Variants in CCNY observed in about 807,000 individuals in gnomAD.
CCNY encodes cyclin Y, also known as cyclin-Y.
A neutral mutation model predicts 42.8 loss-of-function variants in CCNY; 19 were observed. That is an observed-to-expected ratio of 0.44 (90% CI 0.31 to 0.65). The LOEUF is 0.65. Among genes scored for constraint, CCNY ranks in the 30% least tolerant of loss-of-function variants. CCNY has a pLI of 0.07. For synonymous variants in CCNY, 165 were observed against 162.7 expected (o/e 1.01, Z -0.11); for missense variants, 370 against 437.3 (o/e 0.85, Z 1.37).
At chr10:35,482,114 A>G (rs1839682612) in intron 1 of CCNY, among the ~76,000 whole-genome samples, 1 of 152,246 alleles carries the variant, frequency 6.6e-6, no homozygotes, top group South Asian at 2.1e-4. Context: ...GATGTAGGAA[A>G]AAAATCACCA....
chr10:35,485,711 C>G (rs1839770582), intron 2 of CCNY, among the ~76,000 whole-genome samples: 1 of 123,158 alleles, frequency 8.1e-6, no homozygotes, highest in Admixed American at 1.1e-4. Context: ...GGCGACAGAG[C>G]GAGACTCCGT....
At chr10:35,320,046 G>A (rs1269675214) in intron 3 of CCNY, among the ~76,000 whole-genome samples, 1 of 152,160 alleles carries the variant, frequency 6.6e-6, no homozygotes, top group Non-Finnish European at 1.5e-5. Flanking sequence ...GGTGGCTTCA[G>A]CAGTAAATTC....
At chr10:35,266,240 G>A (rs1463096626) in intron 3 of CCNY, among the ~76,000 whole-genome samples, 3 of 147,736 alleles carry the variant, frequency 2.0e-5, no homozygotes, top group Non-Finnish European at 4.5e-5. Context: ...ACCATGCCCG[G>A]CTAATTTCCT....
chr10:35,403,008 T>A (rs1278870218), intron 1 of CCNY, among the ~76,000 whole-genome samples: 2 of 151,326 alleles, frequency 1.3e-5, no homozygotes, highest in Non-Finnish European at 2.9e-5. Context: ...ACCCATCTAG[T>A]GAAAGTGTCT....
At chr10:35,346,825 C>T (rs1456724643) in intron 1 of CCNY, among the ~76,000 whole-genome samples, 1 of 152,186 alleles carries the variant, frequency 6.6e-6, no homozygotes, top group Non-Finnish European at 1.5e-5. Context: ...CAGGGTTACG[C>T]CTTGTTGCCC....
At chr10:35,391,273 A>G (rs1475704447) in intron 1 of CCNY, among the ~76,000 whole-genome samples, 1 of 152,158 alleles carries the variant, frequency 6.6e-6, no homozygotes, top group Middle Eastern at 3.2e-3. Flanking sequence ...CGCACAGTTT[A>G]AGCCAATTCT....
chr10:35,273,411 G>A (rs1312319609), intron 3 of CCNY, among the ~76,000 whole-genome samples: 1 of 151,844 alleles, frequency 6.6e-6, no homozygotes, highest in Non-Finnish European at 1.5e-5. Context: ...CATCATGCTG[G>A]CCAGGCTGGT....
chr10:35,530,160 C>A lies in CCNY; in HGVS notation c.496C>A (p.Pro166Thr). ...EVPPDYDKHN[P>T]EQKQIYRFVR... is the part of the protein sequence containing the mutation. ...GCCACCAGATTATGACAAACACAAC[C>A]CAGAGCAGAAGCAGATTTACCGGTT... The change falls in exon 7 of 10, where the codon CCA becomes ACA. Residue 166 changes from proline to threonine, a missense_variant. Pro to Thr is a conservative substitution (Grantham distance 38). This residue lies in a region of CCNY where 234 missense variants were observed against 313.1 expected (regional missense o/e 0.75). Coordinates refer to ENST00000374704, the MANE Select transcript of CCNY (RefSeq NM_145012.6). This position sits in a 1 kb window ranked among gnomAD's most constrained non-coding sequence, Gnocchi z 4.3. The A allele has an allele frequency of 6.2e-7, 1 of 1,614,194 alleles. No homozygotes were observed. The highest frequency in any genetic ancestry group is 8.5e-7 in the Non-Finnish European group (1 of 1,180,024).
intron 8 of CCNY, among the ~76,000 whole-genome samples, chr10:35,565,074 TC>T (rs1841542042): frequency 6.6e-6 from 1 of 152,138 alleles, no homozygotes; most frequent in African/African-American, 2.4e-5. Flanking sequence ...CACAGATAGT[TC>T]CCTCACTGAG....
At chr10:35,281,090 G>GC (rs1835294585) in intron 3 of CCNY, among the ~76,000 whole-genome samples, 1 of 152,072 alleles carries the variant, frequency 6.6e-6, no homozygotes, top group Non-Finnish European at 1.5e-5. Flanking sequence ...AAGACATCAG[G>GC]TAAAAAGAGG....
At chr10:35,301,270 A>G (rs1345012384) in intron 3 of CCNY, among the ~76,000 whole-genome samples, 1 of 152,210 alleles carries the variant, frequency 6.6e-6, no homozygotes, top group Non-Finnish European at 1.5e-5. Context: ...TTTAACAAAT[A>G]TATGGCCAAT....
chr10:35,376,815 G>A (rs925724505), intron 1 of CCNY, among the ~76,000 whole-genome samples: 5 of 152,160 alleles, frequency 3.3e-5, no homozygotes, highest in Non-Finnish European at 7.3e-5. Context: ...CATATATTAC[G>A]ATTTCACGTA....
At chr10:35,464,973 A>G (rs980965627) in intron 1 of CCNY, among the ~76,000 whole-genome samples, 9 of 152,228 alleles carry the variant, frequency 5.9e-5, no homozygotes, top group Admixed American at 5.9e-4. Flanking sequence ...AATATCAGCA[A>G]TCCAAGTGGT....
At chr10:35,445,118 G>C (rs540690553) in intron 1 of CCNY, among the ~76,000 whole-genome samples, 1 of 152,330 alleles carries the variant, frequency 6.6e-6, no homozygotes, top group African/African-American at 2.4e-5. Context: ...CTTGTGGGTG[G>C]TTGGCACTGT....
upstream of CCNY, chr10:35,336,252 G>C (rs1836022662): frequency 1.3e-5 from 2 of 151,798 alleles, no homozygotes; most frequent in Admixed American, 6.6e-5. Flanking sequence ...GTTCCGTCCA[G>C]CCCGGGGGAG....
intron 1 of CCNY, among the ~76,000 whole-genome samples, chr10:35,416,202 G>A (rs1215211368): frequency 7.3e-6 from 1 of 137,396 alleles, no homozygotes; most frequent in Non-Finnish European, 1.5e-5. Flanking sequence ...TGTCCTTGTA[G>A]GGTGCTACTT....
intron 2 of CCNY, among the ~76,000 whole-genome samples, chr10:35,500,619 C>T (rs1382937262): frequency 1.3e-5 from 2 of 152,216 alleles, no homozygotes; most frequent in African/African-American, 4.8e-5. Flanking sequence ...TTCTTCATGT[C>T]TTTTACAGTA....
intron 3 of CCNY, among the ~76,000 whole-genome samples, chr10:35,511,453 G>C (rs1014085034): frequency 6.6e-6 from 1 of 152,206 alleles, no homozygotes; most frequent in Non-Finnish European, 1.5e-5. Flanking sequence ...TCAGCAGAGT[G>C]CTGAAGGATG....
chr10:35,249,580 A>C (rs2095710399), intron 2 of CCNY, among the ~76,000 whole-genome samples: 1 of 152,244 alleles, frequency 6.6e-6, no homozygotes, highest in Non-Finnish European at 1.5e-5. Flanking sequence ...AGTTACAAAC[A>C]AAATAGCCCA....
Sources: gnomAD v4.1 joint callset for allele counts (sites outside exome capture counted in the v4.1 genomes callset) on GRCh38, gnomAD v4.1.1 for gene constraint, gnomAD v4.1.1 regional missense constraint, Gnocchi (gnomAD v3.1) non-coding constraint, MANE v1.5 for transcripts, NCBI Gene and HGNC (gene_info 2026-07-23, HGNC 2026-07-21) for gene names.